FIG4: variants seen among roughly 807,000 people sequenced by gnomAD.
The protein encoded by FIG4 is polyphosphoinositide phosphatase.
FIG4 carries 112 observed loss-of-function variants against 118.6 expected under a neutral mutation model. The ratio of observed to expected loss-of-function variants is 0.94; its 90% confidence interval spans 0.81 to 1.11. FIG4 has a LOEUF of 1.11. Among genes scored for constraint, FIG4 ranks in the 50% least tolerant of loss-of-function variants. FIG4 has a pLI of 0.00. For missense variants in FIG4, 969 were observed against 1,111.7 expected (o/e 0.87, Z 1.83); for synonymous variants, 369 against 381.2 (o/e 0.97, Z 0.37).
chr6:109,709,926 C>G (rs1775205726), intron 1 of FIG4, among the ~76,000 whole-genome samples: 2 of 152,188 alleles, frequency 1.3e-5, no homozygotes, highest in Non-Finnish European at 1.5e-5. Context: ...TTGACTTCCT[C>G]TCTTCCTATT....
intron 22 of FIG4, among the ~76,000 whole-genome samples, chr6:109,801,302 C>G (rs544856455): frequency 7.9e-5 from 12 of 152,242 alleles, no homozygotes; most frequent in African/African-American, 2.6e-4. Context: ...AATCCCAGCA[C>G]TTTGGGAGGC....
At chr6:109,760,450 T>C in intron 11 of FIG4, 67 bp downstream of exon 11, 1 of 1,389,142 alleles carries the variant, frequency 7.2e-7, no homozygotes, top group Non-Finnish European at 1.0e-6. Flanking sequence ...AACAGGAAGC[T>C]GACCTCTGTG....
At chr6:109,805,684 ACTTT>A (rs1283946351) in intron 22 of FIG4, among the ~76,000 whole-genome samples, 1 of 152,178 alleles carries the variant, frequency 6.6e-6, no homozygotes, top group African/African-American at 2.4e-5. Context: ...GACCATCTTG[ACTTT>A]CTTAACGATT....
At chr6:109,780,858 TTGAC>T (rs899259418) in intron 16 of FIG4, among the ~76,000 whole-genome samples, 2 of 152,236 alleles carry the variant, frequency 1.3e-5, no homozygotes, top group African/African-American at 4.8e-5. Flanking sequence ...AAATCTCACA[TTGAC>T]TGATCTGCCT....
chr6:109,811,591 A>C (rs1455376583), intron 22 of FIG4, among the ~76,000 whole-genome samples: 3 of 152,210 alleles, frequency 2.0e-5, no homozygotes, highest in African/African-American at 7.2e-5. Flanking sequence ...CTGGGGACAT[A>C]GTAGAAAACA....
intron 6 of FIG4, among the ~76,000 whole-genome samples, chr6:109,737,797 G>A (rs11964533): frequency 0.23 from 35,693 of 152,010 alleles, 4,649 homozygotes; most frequent in Middle Eastern, 0.34. Flanking sequence ...TAATACACTA[G>A]GCTTATTCTA....
At chr6:109,733,331 T>A (rs1224946354) in intron 5 of FIG4, among the ~76,000 whole-genome samples, 2 of 152,108 alleles carry the variant, frequency 1.3e-5, no homozygotes, top group Admixed American at 6.6e-5. Flanking sequence ...TATTACAGCA[T>A]CATGATAAGT....
intron 14 of FIG4, among the ~76,000 whole-genome samples, chr6:109,765,525 T>G (rs1454041912): frequency 1.3e-5 from 2 of 152,212 alleles, no homozygotes; most frequent in Non-Finnish European, 2.9e-5. Flanking sequence ...TAAAAATTTG[T>G]GTATTCTTGC....
intron 1 of FIG4, among the ~76,000 whole-genome samples, chr6:109,711,523 C>CT (rs1356205426): frequency 6.6e-6 from 1 of 151,984 alleles, no homozygotes; most frequent in Non-Finnish European, 1.5e-5. Context: ...TAATGCCATT[C>CT]TTTGTCTTTT....
chr6:109,727,199 T>C lies in FIG4; in HGVS notation c.380T>C (p.Val127Ala). The change falls in exon 4 of 23, where the codon GTC (valine) becomes GCC (alanine). Residue 127 changes from valine to alanine, a missense_variant. This residue lies in a region of FIG4 where 393 missense variants were observed against 409.4 expected (regional missense o/e 0.96). Coordinates refer to ENST00000230124, the MANE Select transcript of FIG4 (RefSeq NM_014845.6). ...ADIGGHAIYK[V>A]EDTNMIYIPN... ...ATTGGAGGTCATGCAATCTATAAGGTCGAAGATACAAATATGATCTATATA... is the reference window on the plus strand; with the variant it reads ...ATTGGAGGTCATGCAATCTATAAGGCCGAAGATACAAATATGATCTATATA... The C allele has an allele frequency of 6.2e-7, 1 of 1,611,984 alleles. No individual in the cohort carries two copies.
chr6:109,730,228 C>T (rs536512792), intron 4 of FIG4, among the ~76,000 whole-genome samples: 16 of 151,752 alleles, frequency 1.1e-4, no homozygotes, highest in Admixed American at 3.3e-4. Context: ...TTTGTATTTT[C>T]GGCAGAAATA....
intron 17 of FIG4, 105 bp downstream of exon 17, chr6:109,785,133 CAAAT>C (rs1777915946): frequency 2.7e-6 from 2 of 751,514 alleles, no homozygotes; most frequent in Non-Finnish European, 4.9e-6. Flanking sequence ...TTATTAGAAA[CAAAT>C]GAATGGCTGT....
intron 22 of FIG4, among the ~76,000 whole-genome samples, chr6:109,811,629 C>T (rs1025287230): frequency 6.6e-6 from 1 of 152,158 alleles, no homozygotes; most frequent in Non-Finnish European, 1.5e-5. Flanking sequence ...CAGGGCCCTT[C>T]TGTTTTAGAG....
At chr6:109,781,889 A>G (rs1349074968) in intron 16 of FIG4, among the ~76,000 whole-genome samples, 1 of 151,570 alleles carries the variant, frequency 6.6e-6, no homozygotes, top group South Asian at 2.1e-4. Context: ...CTCCTTCCAC[A>G]TAACATTGTT....
intron 7 of FIG4, among the ~76,000 whole-genome samples, chr6:109,740,498 C>A (rs1776291072): frequency 6.6e-6 from 1 of 152,080 alleles, no homozygotes; most frequent in South Asian, 2.1e-4. Context: ...ACTGTTACTC[C>A]ATTTTATAGA....
At chr6:109,808,464 T>C (rs980729871) in intron 22 of FIG4, among the ~76,000 whole-genome samples, 2 of 152,162 alleles carry the variant, frequency 1.3e-5, no homozygotes, top group African/African-American at 4.8e-5. Flanking sequence ...CATGTATTTT[T>C]AGTATTCTTT....
chr6:109,781,695 C>T (rs183058358), intron 16 of FIG4, among the ~76,000 whole-genome samples: 5 of 149,224 alleles, frequency 3.4e-5, no homozygotes, highest in Admixed American at 2.0e-4. Context: ...TTGTCATGTT[C>T]GTATATGCTT....
At chr6:109,810,108 A>C (rs982405130) in intron 22 of FIG4, among the ~76,000 whole-genome samples, 22 of 152,114 alleles carry the variant, frequency 1.4e-4, no homozygotes, top group African/African-American at 5.1e-4. Flanking sequence ...TTCTCATGTC[A>C]AATGGCCAGG....
intron 22 of FIG4, among the ~76,000 whole-genome samples, chr6:109,800,805 GC>G (rs989438994): frequency 1.5e-4 from 23 of 152,034 alleles, no homozygotes; most frequent in African/African-American, 5.1e-4. Context: ...TGCCCCTCCT[GC>G]TTTTTTGTTC....
Sources: allele counts gnomAD v4.1 joint callset (sites outside exome capture counted in the v4.1 genomes callset), GRCh38; gene constraint gnomAD v4.1.1; regional missense constraint gnomAD v4.1.1; transcripts MANE v1.5; gene names NCBI Gene and HGNC (gene_info 2026-07-23, HGNC 2026-07-21).